The following RALYL variants were observed in gnomAD, a reference collection of about 807,000 sequenced individuals.
RALYL encodes the protein RNA-binding Raly-like protein.
In RALYL, 29 loss-of-function variants were observed where a neutral mutation model predicts 35.1. The ratio of observed to expected loss-of-function variants is 0.83; its 90% CI spans 0.61 to 1.13. RALYL has a LOEUF of 1.13. Ranked by LOEUF, RALYL falls within the 50% of genes most tolerant of loss-of-function variation. The pLI is 0.00. For missense variants in RALYL, 359 were observed against 360.4 expected (o/e 1.00, Z 0.03); for synonymous variants, 120 against 127.6 (o/e 0.94, Z 0.40).
chr8:84,402,258 T>A lies in RALYL; in HGVS notation c.-23-127041T>A, dbSNP rs1380220263. On this transcript the variant is annotated intron_variant, in intron 1 of 8. Coordinates refer to ENST00000521268, the MANE Select transcript of RALYL (RefSeq NM_173848.7). Reference sequence around the variant, plus strand: ...AAAAACATCACCATAGCAAATATGCTACCTAAGATAAACATGCTGCATAGC... The same window carrying A: ...AAAAACATCACCATAGCAAATATGCAACCTAAGATAAACATGCTGCATAGC... Among the ~76,000 whole-genome samples, 5 of 152,334 alleles carry A rather than the reference T, an allele frequency of 3.3e-5. No individual in the cohort carries two copies. The East Asian group carries it at 9.6e-4, about 29-fold the overall frequency.
At chr8:84,269,442 A>G (rs1313043708) in intron 1 of RALYL, among the ~76,000 whole-genome samples, 1 of 152,180 alleles carries the variant, frequency 6.6e-6, no homozygotes, top group African/African-American at 2.4e-5. Context: ...GAATGATTAT[A>G]TCTTGTGAAA....
At chr8:84,659,728 A>G (rs1830562774) in intron 2 of RALYL, among the ~76,000 whole-genome samples, 1 of 152,192 alleles carries the variant, frequency 6.6e-6, no homozygotes, top group African/African-American at 2.4e-5. Context: ...AATAATATAA[A>G]TATCATGTAT....
At chr8:84,203,265 CTTCTT>C (rs1044573004) in intron 1 of RALYL, among the ~76,000 whole-genome samples, 17 of 151,124 alleles carry the variant, frequency 1.1e-4, no homozygotes, top group Non-Finnish European at 1.0e-4. Flanking sequence ...GGTGTCCTTC[CTTCTT>C]TTCTTTCTTT....
chr8:84,197,107 A>G (rs1038018751), intron 1 of RALYL, among the ~76,000 whole-genome samples: 1 of 152,204 alleles, frequency 6.6e-6, no homozygotes, highest in Non-Finnish European at 1.5e-5. Flanking sequence ...TAAAAACAGA[A>G]TGATATACTT....
chr8:84,347,502 C>A (rs1319239551), intron 1 of RALYL, among the ~76,000 whole-genome samples: 2 of 151,960 alleles, frequency 1.3e-5, no homozygotes, highest in Non-Finnish European at 2.9e-5. Context: ...TAGATCCTTC[C>A]TAATCTGCCC....
At chr8:84,728,028 A>G (rs1398999210) in intron 2 of RALYL, among the ~76,000 whole-genome samples, 5 of 151,764 alleles carry the variant, frequency 3.3e-5, no homozygotes, top group Non-Finnish European at 7.4e-5. Flanking sequence ...TTCTAGTTCT[A>G]GATCCCTGAG....
At chr8:84,447,182 C>T (rs547616506) in intron 1 of RALYL, among the ~76,000 whole-genome samples, 20 of 152,014 alleles carry the variant, frequency 1.3e-4, no homozygotes, top group South Asian at 6.2e-4. Context: ...TTTTTATGAC[C>T]TATGTAACTG....
chr8:84,466,978 C>T (rs555857861), intron 1 of RALYL, among the ~76,000 whole-genome samples: 9 of 152,070 alleles, frequency 5.9e-5, no homozygotes, highest in East Asian at 1.9e-4. Context: ...TCTGTGGGAT[C>T]GGTGGTGATA....
At chr8:84,781,132 G>C (rs1464185035) in intron 3 of RALYL, among the ~76,000 whole-genome samples, 2 of 152,024 alleles carry the variant, frequency 1.3e-5, no homozygotes, top group Non-Finnish European at 1.5e-5. Flanking sequence ...CAAAGTGCTG[G>C]GATTACAGGT....
At chr8:84,279,986 A>C (rs1298282480) in intron 1 of RALYL, among the ~76,000 whole-genome samples, 2 of 152,172 alleles carry the variant, frequency 1.3e-5, no homozygotes, top group African/African-American at 4.8e-5. Flanking sequence ...CTACTGAGTG[A>C]ATATAGATAA....
chr8:84,329,819 T>C (rs1305999947), intron 1 of RALYL, among the ~76,000 whole-genome samples: 1 of 152,114 alleles, frequency 6.6e-6, no homozygotes, highest in Non-Finnish European at 1.5e-5. Context: ...ACTATAGAAC[T>C]ATTTATTTTG....
At chr8:84,873,073 G>A (rs949816636) in intron 6 of RALYL, 24 of 399,580 alleles carry the variant, frequency 6.0e-5, no homozygotes, top group Non-Finnish European at 9.9e-5. Flanking sequence ...AGGATTAAAC[G>A]CTCATGTCAC....
chr8:84,513,399 T>C (rs1366319711), intron 1 of RALYL, among the ~76,000 whole-genome samples: 1 of 152,162 alleles, frequency 6.6e-6, no homozygotes, highest in Non-Finnish European at 1.5e-5. Context: ...CAGATTTGGT[T>C]AAGATTCTTG....
chr8:84,795,315 T>C (rs1821666016), intron 3 of RALYL, among the ~76,000 whole-genome samples: 1 of 152,230 alleles, frequency 6.6e-6, no homozygotes, highest in Non-Finnish European at 1.5e-5. Context: ...TTAATCAGAC[T>C]GCCTGAGTTA....
At chr8:84,397,970 A>G (rs1441912010) in intron 1 of RALYL, among the ~76,000 whole-genome samples, 2 of 152,188 alleles carry the variant, frequency 1.3e-5, no homozygotes, top group Non-Finnish European at 2.9e-5. Flanking sequence ...CTTTCTTCTT[A>G]TGAATTATTC....
intron 1 of RALYL, among the ~76,000 whole-genome samples, chr8:84,481,021 A>T (rs537859378): frequency 7.2e-5 from 11 of 152,294 alleles, no homozygotes; most frequent in African/African-American, 2.6e-4. Context: ...CATATTTACT[A>T]CAAAATACAT....
intron 1 of RALYL, among the ~76,000 whole-genome samples, chr8:84,517,108 A>G (rs2058124700): frequency 6.6e-6 from 1 of 152,166 alleles, no homozygotes; most frequent in Non-Finnish European, 1.5e-5. Flanking sequence ...TAACTGGCCA[A>G]ACACTGTTAC....
intron 1 of RALYL, among the ~76,000 whole-genome samples, chr8:84,462,644 T>C (rs1239149091): frequency 2.0e-5 from 3 of 149,350 alleles, no homozygotes; most frequent in Non-Finnish European, 4.5e-5. Context: ...TGTTCTGGCA[T>C]CATTTGTTGT....
chr8:84,617,717 T>C (rs897693770), intron 2 of RALYL, among the ~76,000 whole-genome samples: 2 of 151,108 alleles, frequency 1.3e-5, no homozygotes, highest in Non-Finnish European at 2.9e-5. Flanking sequence ...CAGTATGATA[T>C]TGGCTGTGGA....
Sources: allele counts gnomAD v4.1 joint callset (sites outside exome capture counted in the v4.1 genomes callset), GRCh38; gene constraint gnomAD v4.1.1; transcripts MANE v1.5; gene names NCBI Gene and HGNC (gene_info 2026-07-23, HGNC 2026-07-21).